The following ADAM12 variants were observed in gnomAD, a reference collection of about 807,000 sequenced individuals.
The protein encoded by ADAM12 is disintegrin and metalloproteinase domain-containing protein 12.
In ADAM12, 70 loss-of-function variants were observed where a neutral mutation model predicts 106.4. That is an observed-to-expected ratio of 0.66 (90% CI 0.54 to 0.80). The LOEUF is 0.80. ADAM12 is among the 30% of genes least tolerant of loss of function. The pLI, the probability that ADAM12 is intolerant of heterozygous loss-of-function variation, is 0.00. For missense variants in ADAM12, 1,010 were observed against 1,171.9 expected (o/e 0.86, Z 2.02); for synonymous variants, 420 against 433.5 (o/e 0.97, Z 0.39).
intron 3 of ADAM12, among the ~76,000 whole-genome samples, chr10:126,252,266 A>G (rs778777193): frequency 1.5e-5 from 2 of 130,600 alleles, no homozygotes; most frequent in Non-Finnish European, 3.4e-5. Context: ...GGATGGATGT[A>G]TTGGAGAATG....
chr10:126,314,562 T>C (rs917739053), intron 2 of ADAM12, among the ~76,000 whole-genome samples: 39 of 152,208 alleles, frequency 2.6e-4, no homozygotes, highest in Admixed American at 1.6e-3. Flanking sequence ...AGATACGACA[T>C]GGACATTTTC....
intron 3 of ADAM12, among the ~76,000 whole-genome samples, chr10:126,247,070 T>C (rs1958644954): frequency 1.3e-5 from 2 of 152,240 alleles, no homozygotes; most frequent in African/African-American, 4.8e-5. Flanking sequence ...TACAAATGGT[T>C]TCAAAATTGT....
chr10:126,375,831 G>A (rs574818821), intron 1 of ADAM12, among the ~76,000 whole-genome samples: 3 of 150,250 alleles, frequency 2.0e-5, no homozygotes, highest in Non-Finnish European at 3.0e-5. Context: ...CAGCAGCCTC[G>A]ACCTCCTGGG....
At chr10:126,238,959 G>A (rs1221693337) in intron 3 of ADAM12, among the ~76,000 whole-genome samples, 9 of 152,188 alleles carry the variant, frequency 5.9e-5, no homozygotes, top group Non-Finnish European at 1.0e-4. Flanking sequence ...TATTCATAGA[G>A]AAAGAGATAA....
intron 3 of ADAM12, among the ~76,000 whole-genome samples, chr10:126,233,488 G>A (rs1958353826): frequency 6.6e-6 from 1 of 152,102 alleles, no homozygotes; most frequent in Admixed American, 6.5e-5. Context: ...AAGTAGAGAG[G>A]CACCGCAGGG....
At chr10:126,345,083 G>T (rs1405317988) in intron 1 of ADAM12, among the ~76,000 whole-genome samples, 3 of 152,110 alleles carry the variant, frequency 2.0e-5, no homozygotes, top group Non-Finnish European at 4.4e-5. Context: ...GGTGAGAGAG[G>T]GCATCCCTGT....
intron 3 of ADAM12, among the ~76,000 whole-genome samples, chr10:126,265,026 T>G (rs996442674): frequency 6.6e-6 from 1 of 152,346 alleles, no homozygotes; most frequent in Admixed American, 6.5e-5. Flanking sequence ...TGGTTCAATG[T>G]GAAAATACAA....
intron 21 of ADAM12, among the ~76,000 whole-genome samples, chr10:126,035,521 CAAA>C (rs1379087163): frequency 6.6e-6 from 1 of 152,062 alleles, no homozygotes; most frequent in African/African-American, 2.4e-5. Flanking sequence ...CAATTATAAA[CAAA>C]AAATATTAAT....
At chr10:126,036,058 G>A (rs1954053912) in intron 21 of ADAM12, 88 bp downstream of exon 21, 13 of 1,208,104 alleles carry the variant, frequency 1.1e-5, no homozygotes, top group African/African-American at 1.6e-5. Context: ...GCACCGAGAA[G>A]TTAAGCAACT....
At chr10:126,095,701 CCCTTG>C (rs1955545739) in intron 10 of ADAM12, among the ~76,000 whole-genome samples, 1 of 151,806 alleles carries the variant, frequency 6.6e-6, no homozygotes, top group South Asian at 2.1e-4. Flanking sequence ...TTGTTTAGCC[CCCTTG>C]CCATGTGATC....
At chr10:126,170,376 T>C (rs1957097616) in intron 3 of ADAM12, among the ~76,000 whole-genome samples, 1 of 151,538 alleles carries the variant, frequency 6.6e-6, no homozygotes, top group Admixed American at 6.6e-5. Flanking sequence ...TTCCTCTTGC[T>C]GAGGCTACCA....
At chr10:126,331,421 T>C (rs1363940445) in intron 1 of ADAM12, among the ~76,000 whole-genome samples, 1 of 152,212 alleles carries the variant, frequency 6.6e-6, no homozygotes, top group East Asian at 1.9e-4. Context: ...GAGTTCACAT[T>C]TATTGGGCAC....
chr10:126,263,310 A>C (rs1436207295), intron 3 of ADAM12, among the ~76,000 whole-genome samples: 1 of 152,166 alleles, frequency 6.6e-6, no homozygotes, highest in Non-Finnish European at 1.5e-5. Context: ...TCCAGTCTCC[A>C]AGCTGAGGAG....
chr10:126,365,143 A>C (rs116389697), intron 1 of ADAM12, among the ~76,000 whole-genome samples: 2,045 of 152,282 alleles, frequency 0.013, 50 homozygotes, highest in African/African-American at 0.046. Context: ...GAAGTAAAAC[A>C]GTAGTAAGCC....
intron 1 of ADAM12, among the ~76,000 whole-genome samples, chr10:126,372,427 G>T (rs1856142228): frequency 6.6e-6 from 1 of 152,170 alleles, no homozygotes; most frequent in Non-Finnish European, 1.5e-5. Flanking sequence ...AGTTCAGAAA[G>T]ATTTAGTGGG....
At position 126,023,155 on chromosome 10, in the gene ADAM12, A is replaced by G. The variant is rs57488185; in HGVS notation, c.2530-3330T>C. On this transcript the variant is annotated intron_variant, in intron 21 of 22. Coordinates refer to ENST00000448723, the MANE Select transcript of ADAM12 (RefSeq NM_001288973.2). Reference sequence around the variant, plus strand: ...CTCATGCAGGGCTGGGGCGGCATCAATATGTTTCACTGTGCAAATTCGGTC... The same window carrying G: ...CTCATGCAGGGCTGGGGCGGCATCAGTATGTTTCACTGTGCAAATTCGGTC... 7.3e-3 allele frequency among the ~76,000 whole-genome samples: 1,108 copies of G among 152,316 alleles called. 11 individuals carry two copies. Among genetic ancestry groups the G allele is most frequent in the African/African-American group, 0.023 (951 of 41,570 alleles).
rs1364257679 is a variant in ADAM12 at position 126,388,005 on chromosome 10, G to A, written c.88+53C>T. On this transcript the variant is annotated intron_variant, in intron 1 of 22. Transcript: ENST00000448723. The surrounding 1 kb of genome is among the most constrained non-coding windows in gnomAD (Gnocchi z 4.4). ...GGACCTCGGCGCGCCCAGGCGCAGCGTGCGGTGCCCTCGGCGGGGCGGGCA... is the reference window on the plus strand; with the variant it reads ...GGACCTCGGCGCGCCCAGGCGCAGCATGCGGTGCCCTCGGCGGGGCGGGCA... The A allele has an allele frequency of 7.5e-6, 9 of 1,192,458 alleles. No individual in the cohort carries two copies. The highest frequency in any genetic ancestry group is 4.5e-5 in the Admixed American group (1 of 22,282). The allele number at this position is 1,192,458 out of a possible 1,614,324, so 73.9% of individuals were successfully genotyped here.
chr10:126,378,048 T>C (rs998274989), intron 1 of ADAM12, among the ~76,000 whole-genome samples: 1 of 152,076 alleles, frequency 6.6e-6, no homozygotes, highest in Non-Finnish European at 1.5e-5. Flanking sequence ...GAAGAACATA[T>C]AAACACATAA....
At chr10:126,105,382 G>A (rs1565060823) in intron 8 of ADAM12, among the ~76,000 whole-genome samples, 1 of 152,122 alleles carries the variant, frequency 6.6e-6, no homozygotes, top group Non-Finnish European at 1.5e-5. Flanking sequence ...TGCTCCCGAG[G>A]TCTAAGAAGA....
Sources: allele counts gnomAD v4.1 joint callset (sites outside exome capture counted in the v4.1 genomes callset), GRCh38; gene constraint gnomAD v4.1.1; non-coding constraint Gnocchi (gnomAD v3.1); transcripts MANE v1.5; gene names NCBI Gene and HGNC (gene_info 2026-07-23, HGNC 2026-07-21).